Variants in MTUS2 observed in about 807,000 individuals in gnomAD.
The protein encoded by MTUS2 is microtubule-associated tumor suppressor candidate 2.
A neutral mutation model predicts 114.1 loss-of-function variants in MTUS2; 40 were observed. That is an observed-to-expected ratio of 0.35 (90% CI 0.27 to 0.46). The LOEUF (loss-of-function observed/expected upper bound fraction) is 0.46, where lower values mean the gene tolerates loss of function less well. Among genes scored for constraint, MTUS2 ranks in the 20% least tolerant of loss-of-function variants. MTUS2 has a pLI of 1.00. For synonymous variants in MTUS2, 688 were observed against 672.0 expected (o/e 1.02, Z -0.37); for missense variants, 1,679 against 1,705.4 (o/e 0.98, Z 0.27).
intron 2 of MTUS2, among the ~76,000 whole-genome samples, chr13:28,947,821 T>C (rs1442182438): frequency 6.6e-6 from 1 of 152,228 alleles, no homozygotes; most frequent in Non-Finnish European, 1.5e-5. Flanking sequence ...AGTAATTGTG[T>C]GTATGCTACT....
At chr13:28,913,980 G>A (rs1309945437) in intron 2 of MTUS2, among the ~76,000 whole-genome samples, 4 of 151,916 alleles carry the variant, frequency 2.6e-5, no homozygotes, top group Non-Finnish European at 5.9e-5. Context: ...ATTTCTGATT[G>A]TATCTATTTT....
At chr13:29,458,559 T>C (rs961979819) in intron 9 of MTUS2, among the ~76,000 whole-genome samples, 1 of 152,168 alleles carries the variant, frequency 6.6e-6, no homozygotes, top group African/African-American at 2.4e-5. Context: ...GCCTTCACTT[T>C]CCATGATCTC....
At chr13:28,936,105 G>A (rs1881888283) in intron 2 of MTUS2, among the ~76,000 whole-genome samples, 1 of 152,082 alleles carries the variant, frequency 6.6e-6, no homozygotes, top group South Asian at 2.1e-4. Context: ...ACTCTGAATT[G>A]AAATCATGCC....
At chr13:29,297,162 A>G (rs1235987924) in intron 6 of MTUS2, among the ~76,000 whole-genome samples, 1 of 151,874 alleles carries the variant, frequency 6.6e-6, no homozygotes, top group Non-Finnish European at 1.5e-5. Context: ...CTGCATATGG[A>G]TGTATAGTTT....
chr13:29,082,958 T>G (rs569114456), intron 4 of MTUS2, among the ~76,000 whole-genome samples: 1 of 152,120 alleles, frequency 6.6e-6, no homozygotes, highest in Non-Finnish European at 1.5e-5. Flanking sequence ...GATTGCAGTT[T>G]GGACAGATTC....
chr13:29,147,842 A>C (rs1178527411), intron 5 of MTUS2, among the ~76,000 whole-genome samples: 1 of 152,118 alleles, frequency 6.6e-6, no homozygotes, highest in African/African-American at 2.4e-5. Context: ...TCCACCATTG[A>C]TGGTCACCTA....
intron 2 of MTUS2, among the ~76,000 whole-genome samples, chr13:28,848,120 T>G (rs573613135): frequency 6.6e-6 from 1 of 152,238 alleles, no homozygotes; most frequent in Admixed American, 6.5e-5. Context: ...ATATATATAT[T>G]GAATGCCTGC....
chr13:29,299,687 G>A (rs1899108070), intron 6 of MTUS2, among the ~76,000 whole-genome samples: 1 of 152,152 alleles, frequency 6.6e-6, no homozygotes, highest in Non-Finnish European at 1.5e-5. Flanking sequence ...TCAGGTTAAT[G>A]ACATGAGTTG....
At chr13:29,108,544 G>C (rs917012427) in intron 5 of MTUS2, among the ~76,000 whole-genome samples, 10 of 152,146 alleles carry the variant, frequency 6.6e-5, no homozygotes, top group African/African-American at 2.4e-4. Flanking sequence ...CATTCTTTCA[G>C]CATATTCTAT....
At chr13:28,998,446 A>G (rs1208919385) in intron 2 of MTUS2, among the ~76,000 whole-genome samples, 2 of 152,166 alleles carry the variant, frequency 1.3e-5, no homozygotes, top group African/African-American at 4.8e-5. Flanking sequence ...CTGCCTTGCT[A>G]GATTGGGGAA....
At chr13:29,389,276 T>C (rs1243388828) in intron 8 of MTUS2, among the ~76,000 whole-genome samples, 1 of 150,372 alleles carries the variant, frequency 6.7e-6, no homozygotes, top group East Asian at 1.9e-4. Flanking sequence ...TATATATGTA[T>C]ATATGTATAC....
At chr13:29,201,839 T>C (rs529985271) in intron 5 of MTUS2, among the ~76,000 whole-genome samples, 1 of 152,350 alleles carries the variant, frequency 6.6e-6, no homozygotes, top group South Asian at 2.1e-4. Flanking sequence ...GCCCCCACTC[T>C]CTTCTGGCTT....
Position 29,359,401 on chromosome 13 carries a change from G to A in MTUS2, c.3045G>A (p.Ala1015=), listed in dbSNP as rs374285086. 3.6e-5 allele frequency: 58 copies of A among 1,613,536 alleles called. No homozygotes were observed. Among genetic ancestry groups the A allele is most frequent in the South Asian group, 2.1e-4 (19 of 90,980 alleles). The change falls in exon 8 of 16, where the codon GCG becomes GCA. Residue 1015 remains alanine, a synonymous_variant. Transcript: ENST00000612955. ...CEQQTRQLGV[A]QGELKRAICG... Reference sequence around the variant, plus strand: ...AGCAGACCAGACAGCTGGGCGTTGCGCAAGGGGAGCTGAAGAGGGCCATCT... The same window carrying A: ...AGCAGACCAGACAGCTGGGCGTTGCACAAGGGGAGCTGAAGAGGGCCATCT...
At chr13:28,992,925 T>C (rs1264035990) in intron 2 of MTUS2, among the ~76,000 whole-genome samples, 2 of 152,208 alleles carry the variant, frequency 1.3e-5, no homozygotes, top group Non-Finnish European at 2.9e-5. Flanking sequence ...CATTTTACTT[T>C]CAGTGAATTT....
At chr13:29,124,791 G>C (rs1891448773) in intron 5 of MTUS2, among the ~76,000 whole-genome samples, 1 of 152,190 alleles carries the variant, frequency 6.6e-6, no homozygotes, top group Non-Finnish European at 1.5e-5. Context: ...CAACATGGGT[G>C]AACCTTGAGT....
intron 5 of MTUS2, among the ~76,000 whole-genome samples, chr13:29,221,922 C>A (rs1272221698): frequency 6.6e-6 from 1 of 151,996 alleles, no homozygotes; most frequent in Non-Finnish European, 1.5e-5. Context: ...TTATGGATAC[C>A]ATGCGATAGA....
At chr13:28,936,384 C>G (rs577879930) in intron 2 of MTUS2, among the ~76,000 whole-genome samples, 2 of 152,168 alleles carry the variant, frequency 1.3e-5, no homozygotes, top group Non-Finnish European at 2.9e-5. Context: ...GACTTTAATC[C>G]TGACCTAGTT....
intron 2 of MTUS2, among the ~76,000 whole-genome samples, chr13:28,856,234 C>G (rs988504030): frequency 6.6e-6 from 1 of 152,206 alleles, no homozygotes; most frequent in Non-Finnish European, 1.5e-5. Context: ...TCTGTGTGCT[C>G]CAGTTTGAAG....
chr13:28,860,562 C>G (rs1416000127), intron 2 of MTUS2, among the ~76,000 whole-genome samples: 1 of 152,144 alleles, frequency 6.6e-6, no homozygotes, highest in Non-Finnish European at 1.5e-5. Flanking sequence ...GTGGAGTGCA[C>G]CTTAGCAAAA....
Sources: gnomAD v4.1 joint callset for allele counts (sites outside exome capture counted in the v4.1 genomes callset) on GRCh38, gnomAD v4.1.1 for gene constraint, MANE v1.5 for transcripts, NCBI Gene and HGNC (gene_info 2026-07-23, HGNC 2026-07-21) for gene names.